SLC7A11: variants seen among roughly 807,000 people sequenced by gnomAD.
SLC7A11 encodes the protein cystine/glutamate transporter.
SLC7A11 carries 35 observed loss-of-function variants against 54.5 expected under a neutral mutation model. That is an observed-to-expected ratio of 0.64 (90% CI 0.49 to 0.85). The LOEUF (loss-of-function observed/expected upper bound fraction) is 0.85. Among genes scored for constraint, SLC7A11 ranks in the 40% least tolerant of loss-of-function variants. SLC7A11 has a pLI of 0.00. For missense variants in SLC7A11, 583 were observed against 618.1 expected, an observed-to-expected ratio of 0.94 and a Z score of 0.60; for synonymous variants, 230 against 225.2, an observed-to-expected ratio of 1.02 and a Z score of -0.19.
rs1201044162 is a variant in SLC7A11, at chr4:138,164,448, C to T, written c.*7508G>A. 6.6e-6 allele frequency: 1 copy of T among 152,096 alleles called. No individual in the cohort carries two copies. The highest frequency in any genetic ancestry group is 1.5e-5 in the Non-Finnish European group (1 of 67,996). The allele number at this position is 152,096 out of a possible 1,614,324, so 9.4% of individuals were successfully genotyped here. ...GAACTCATTTAGCTATAGAAGAATC[C>T]ATTTTATTTCACATATCACATGCTT... On this transcript the variant is annotated 3_prime_UTR_variant, in exon 12 of 12. Coordinates refer to ENST00000280612, the MANE Select transcript of SLC7A11 (RefSeq NM_014331.4).
chr4:138,224,785 A>T (rs999872004), intron 3 of SLC7A11, among the ~76,000 whole-genome samples: 4 of 148,940 alleles, frequency 2.7e-5, no homozygotes, highest in African/African-American at 4.9e-5. Flanking sequence ...GAAGGAAGGA[A>T]GGAAGAAGGA....
rs961568869 is a variant in SLC7A11, at chr4:138,223,235, T to C, written c.610A>G (p.Ile204Val). The C allele has an allele frequency of 4.3e-6, 7 of 1,613,514 alleles. No individual in the cohort carries two copies. Among genetic ancestry groups the C allele is most frequent in the Non-Finnish European group, 5.9e-6 (7 of 1,179,586 alleles). ...TGCATAACTCCAGGGACTATAATTA[T>C]CAGAATTGCTGTGAGCTTGCAAAAG... ...LTFCKLTAIL[I>V]IIVPGVMQLI... Residue 204 changes from isoleucine (I) to valine (V), a missense_variant, in exon 4 of 12, where the codon ATA (isoleucine) becomes GTA (valine). Ile to Val is a conservative substitution (Grantham distance 29). Coordinates refer to ENST00000280612, the MANE Select transcript of SLC7A11 (RefSeq NM_014331.4).
At chr4:138,212,806 C>T (rs1737582356) in intron 6 of SLC7A11, among the ~76,000 whole-genome samples, 1 of 151,892 alleles carries the variant, frequency 6.6e-6, no homozygotes, top group African/African-American at 2.4e-5. Flanking sequence ...ATTATATCTA[C>T]ACCACTGATG....
chr4:138,216,042 A>G (rs1430148810), intron 5 of SLC7A11, among the ~76,000 whole-genome samples: 1 of 152,204 alleles, frequency 6.6e-6, no homozygotes, highest in Non-Finnish European at 1.5e-5. Context: ...TAGTCCAAAC[A>G]TTCACACATC....
At chr4:138,205,358 T>C (rs1311566096) in intron 6 of SLC7A11, among the ~76,000 whole-genome samples, 1 of 152,114 alleles carries the variant, frequency 6.6e-6, no homozygotes, top group Admixed American at 6.6e-5. Context: ...AATACAGTTT[T>C]AGCTTGTGTC....
intron 5 of SLC7A11, among the ~76,000 whole-genome samples, chr4:138,217,374 C>T (rs1737704852): frequency 6.6e-6 from 1 of 152,088 alleles, no homozygotes; most frequent in Non-Finnish European, 1.5e-5. Flanking sequence ...ACCCCTTTTA[C>T]CTTGTAATCA....
At position 138,242,104 on chromosome 4, in the gene SLC7A11, G is replaced by A. The variant is rs780747823; in HGVS notation, c.-35C>T. ...ACACGGGGGAAAAATAAAACAGAGG[G>A]AAAGAAAACAAAACTTTCAACTTTG... On this transcript the variant is annotated 5_prime_UTR_variant, in exon 1 of 12. Coordinates refer to ENST00000280612, the MANE Select transcript of SLC7A11 (RefSeq NM_014331.4). The A allele has an allele frequency of 1.9e-6, 3 of 1,600,802 alleles. No homozygotes were observed. Among genetic ancestry groups the A allele is most frequent in the Non-Finnish European group, 2.6e-6 (3 of 1,172,762 alleles).
At position 138,232,264 on chromosome 4, in the gene SLC7A11, CA is replaced by C; in HGVS notation, c.520+2del. ...TTTTCACATATATAGCTATAATACT[CA>C]CTTATGCCCACAGCTGTAATGAGCT... On this transcript the variant is annotated splice_donor_variant, in intron 3 of 11. Transcript: ENST00000280612. LOFTEE classifies it high-confidence loss of function. 6.5e-7 allele frequency: 1 copy of C among 1,547,146 alleles called. No homozygotes were observed. Among genetic ancestry groups the C allele is most frequent in the Non-Finnish European group, 8.9e-7 (1 of 1,119,020 alleles).
chr4:138,236,228 C>T, intron 2 of SLC7A11, 97 bp downstream of exon 2: 2 of 980,768 alleles, frequency 2.0e-6, no homozygotes, highest in Non-Finnish European at 3.0e-6. Flanking sequence ...CATGTAGTCA[C>T]ATGACATGCA....
chr4:138,225,756 G>C (rs1737933000), intron 3 of SLC7A11, among the ~76,000 whole-genome samples: 1 of 151,964 alleles, frequency 6.6e-6, no homozygotes, highest in Non-Finnish European at 1.5e-5. Flanking sequence ...AGCAACAAAA[G>C]GGCAGTGTTT....
intron 5 of SLC7A11, among the ~76,000 whole-genome samples, chr4:138,215,830 T>G (rs1737667427): frequency 6.6e-6 from 1 of 152,188 alleles, no homozygotes; most frequent in Admixed American, 6.6e-5. Context: ...GAAATATTTT[T>G]AGGCTTCTCA....
At chr4:138,201,576 C>T (rs1317184928) in intron 6 of SLC7A11, among the ~76,000 whole-genome samples, 3 of 152,026 alleles carry the variant, frequency 2.0e-5, no homozygotes, top group African/African-American at 7.2e-5. Flanking sequence ...ATTGTCATTT[C>T]CCATGGCCGG....
intron 3 of SLC7A11, among the ~76,000 whole-genome samples, chr4:138,230,540 A>G (rs1329839617): frequency 1.3e-5 from 2 of 152,142 alleles, no homozygotes; most frequent in African/African-American, 2.4e-5. Flanking sequence ...TTCCTAATAT[A>G]TAAAACTGGG....
intron 4 of SLC7A11, among the ~76,000 whole-genome samples, chr4:138,222,576 C>T (rs79382880): frequency 0.03 from 4,515 of 152,192 alleles, 92 homozygotes; most frequent in Non-Finnish European, 0.046. Flanking sequence ...CTCTCAATTT[C>T]TTTTTTTAAA....
At chr4:138,177,530 A>T (rs914201308) in intron 11 of SLC7A11, 3 of 151,524 alleles carry the variant, frequency 2.0e-5, no homozygotes, top group African/African-American at 7.3e-5. Flanking sequence ...AAAGAGCATG[A>T]ACTTAGAAGT....
rs1001678562 is a variant in SLC7A11 at position 138,167,571 on chromosome 4, T to C, written c.*4385A>G. The C allele has an allele frequency of 6.6e-6, 1 of 152,212 alleles. No homozygotes were observed. Among genetic ancestry groups the C allele is most frequent in the Non-Finnish European group, 1.5e-5 (1 of 68,042 alleles). 9.4% of individuals were successfully genotyped at this position (152,212 alleles called of 1,614,324 possible). A position where few individuals can be genotyped will look rare whatever the true frequency, so the allele number is the denominator to read the frequency against. ...ATACTGTTTATATGAAAATTAAGCTTAAATACACGTATAGGTAATAATTAT... is the reference window on the plus strand; with the variant it reads ...ATACTGTTTATATGAAAATTAAGCTCAAATACACGTATAGGTAATAATTAT... On this transcript the variant is annotated 3_prime_UTR_variant, in exon 12 of 12. Coordinates refer to ENST00000280612, the MANE Select transcript of SLC7A11 (RefSeq NM_014331.4).
chr4:138,226,034 T>C (rs1365337185), intron 3 of SLC7A11, among the ~76,000 whole-genome samples: 1 of 152,100 alleles, frequency 6.6e-6, no homozygotes, highest in Non-Finnish European at 1.5e-5. Context: ...TCTATTGAAA[T>C]ATTAAAAAAA....
At chr4:138,183,062 T>A (rs1736785336) in intron 8 of SLC7A11, 140 bp downstream of exon 8, 2 of 635,306 alleles carry the variant, frequency 3.1e-6, no homozygotes, top group South Asian at 4.1e-5. Flanking sequence ...TGTTGATACT[T>A]GGACCAATAT....
At position 138,165,515 on chromosome 4, in the gene SLC7A11, C is replaced by T. The variant is rs1465564435; in HGVS notation, c.*6441G>A. ...GGCATAGGGAGAAAACAATGTATCT[C>T]ATAGCATTAAATGATACAGCCTTAA... On this transcript the variant is annotated 3_prime_UTR_variant, in exon 12 of 12. Coordinates refer to ENST00000280612, the MANE Select transcript of SLC7A11 (RefSeq NM_014331.4). The T allele has an allele frequency of 6.6e-6, 1 of 152,406 alleles. No individual in the cohort carries two copies. The highest frequency in any genetic ancestry group is 2.4e-5 in the African/African-American group (1 of 41,446). The allele number at this position is 152,406 out of a possible 1,614,324, so 9.4% of individuals were successfully genotyped here. A position where few individuals can be genotyped will look rare whatever the true frequency, so the allele number is the denominator to read the frequency against.
Sources: allele counts gnomAD v4.1 joint callset (sites outside exome capture counted in the v4.1 genomes callset), GRCh38; gene constraint gnomAD v4.1.1; transcripts MANE v1.5; gene names NCBI Gene and HGNC (gene_info 2026-07-23, HGNC 2026-07-21).